AXDND1: variants seen among roughly 807,000 people sequenced by gnomAD.
AXDND1 encodes axonemal dynein light chain domain containing 1, also known as axonemal dynein light chain domain-containing protein 1.
AXDND1 carries 110 observed loss-of-function variants against 137.5 expected under a neutral mutation model. That is an observed-to-expected ratio of 0.80 (90% confidence interval 0.69 to 0.94). The LOEUF is 0.94. Among genes scored for constraint, AXDND1 ranks in the 40% least tolerant of loss-of-function variants. The probability of loss-of-function intolerance (pLI) is 0.00; values close to 1 mark genes in which losing one functional copy is unlikely to be tolerated. For synonymous variants in AXDND1, 414 were observed against 399.7 expected (o/e 1.04, Z -0.43); for missense variants, 1,191 against 1,169.8 (o/e 1.02, Z -0.26).
rs1172556587 is a variant in AXDND1 at position 179,400,821 on chromosome 1, C to T, written c.1109+5619C>T. The stretch of plus-strand genomic sequence containing the variant: ...TTGGGAGGGTGAGGCAGGAGAATGG[C>T]GTGAACCCAGGAGGCAGAGTTTGCA... On this transcript the variant is annotated intron_variant, in intron 11 of 25. Coordinates refer to ENST00000367618, the MANE Select transcript of AXDND1 (RefSeq NM_144696.6). Among the ~76,000 whole-genome samples, 6 of 134,914 alleles carry T rather than the reference C, an allele frequency of 4.4e-5. No homozygotes were observed. In the East Asian group the frequency reaches 1.3e-3, roughly 29 times the overall value. 88.5% of individuals were successfully genotyped at this position (134,914 alleles called of 152,430 possible).
intron 7 of AXDND1, 146 bp downstream of exon 7, chr1:179,382,902 G>T: frequency 9.4e-6 from 5 of 530,488 alleles, no homozygotes; most frequent in East Asian, 6.4e-5. Flanking sequence ...TCTAATCAGT[G>T]TTTTCGTTTT....
intron 25 of AXDND1, among the ~76,000 whole-genome samples, chr1:179,538,345 C>G (rs1671762673): frequency 6.6e-6 from 1 of 152,170 alleles, no homozygotes; most frequent in South Asian, 2.1e-4. Context: ...ATAAATTTCC[C>G]TCTACACACT....
chr1:179,491,014 T>C (rs189760676), intron 18 of AXDND1, among the ~76,000 whole-genome samples: 14 of 152,276 alleles, frequency 9.2e-5, no homozygotes, highest in African/African-American at 3.1e-4. Context: ...CAGGTTATTA[T>C]CTATGGCCAG....
At chr1:179,370,228 G>T in intron 4 of AXDND1, 150 bp downstream of exon 4, 1 of 653,726 alleles carries the variant, frequency 1.5e-6, no homozygotes, top group Non-Finnish European at 2.6e-6. Flanking sequence ...CAATCCAGAA[G>T]GGCCAAAGAC....
chr1:179,407,230 CT>C (rs1264397210), intron 11 of AXDND1, among the ~76,000 whole-genome samples: 116 of 143,996 alleles, frequency 8.1e-4, no homozygotes, highest in Middle Eastern at 7.1e-3. Context: ...TTTTTTCTTT[CT>C]TTTTTTTTTT....
intron 12 of AXDND1, among the ~76,000 whole-genome samples, chr1:179,423,456 G>A (rs1299539960): frequency 6.6e-6 from 1 of 151,990 alleles, no homozygotes; most frequent in Non-Finnish European, 1.5e-5. Flanking sequence ...TGATAAGTAA[G>A]GATTTACTCC....
chr1:179,501,724 C>CAA, intron 20 of AXDND1, among the ~76,000 whole-genome samples: 1 of 151,892 alleles, frequency 6.6e-6, no homozygotes, highest in South Asian at 2.1e-4. Flanking sequence ...CAAAACAAAA[C>CAA]AAAACAACAA....
At position 179,483,357 on chromosome 1, in the gene AXDND1, C is replaced by G. The variant is rs146247459; in HGVS notation, c.2091+136C>G. 5.4e-4 allele frequency: 278 copies of G among 511,500 alleles called. 2 individuals carry two copies. The East Asian group carries it at 9.2e-3, about 17-fold the overall frequency. 31.7% of individuals were successfully genotyped at this position (511,500 alleles called of 1,614,324 possible). A position where few individuals can be genotyped will look rare whatever the true frequency, so the allele number is the denominator to read the frequency against. On this transcript the variant is annotated intron_variant, in intron 18 of 25. Coordinates refer to ENST00000367618, the MANE Select transcript of AXDND1 (RefSeq NM_144696.6). The stretch of plus-strand genomic sequence containing the variant: ...AATAGAAGCTTGTATAATAATTTCT[C>G]AAATAATTTTCAATGGATTTTTTAA...
intron 25 of AXDND1, among the ~76,000 whole-genome samples, chr1:179,542,238 T>C (rs546703365): frequency 4.6e-5 from 7 of 152,316 alleles, no homozygotes; most frequent in Non-Finnish European, 1.0e-4. Context: ...TTATTTTTGC[T>C]TTCATCTCCA....
chr1:179,542,822 C>T (rs1672287358), intron 25 of AXDND1, among the ~76,000 whole-genome samples: 2 of 152,194 alleles, frequency 1.3e-5, no homozygotes, highest in Non-Finnish European at 2.9e-5. Flanking sequence ...GTAATTTACA[C>T]AGACACCCAG....
chr1:179,393,285 G>A (rs576716593), intron 9 of AXDND1, among the ~76,000 whole-genome samples: 1 of 152,260 alleles, frequency 6.6e-6, no homozygotes, highest in African/African-American at 2.4e-5. Flanking sequence ...GTAAGTATCT[G>A]AGTTTATTTC....
Position 179,456,518 on chromosome 1 carries a change from A to G in AXDND1, c.1798+11314A>G, listed in dbSNP as rs1254720093. The G allele has an allele frequency of 6.5e-6, 5 of 774,844 alleles. No individual in the cohort carries two copies. The African/African-American group carries it at 6.8e-5, about 11-fold the overall frequency. 48.0% of individuals were successfully genotyped at this position (774,844 alleles called of 1,614,324 possible). On this transcript the variant is annotated intron_variant, in intron 16 of 25. Coordinates refer to ENST00000367618, the MANE Select transcript of AXDND1 (RefSeq NM_144696.6). ...CACCATAGCCACTGCCCTGGCTTCC[A>G]TAACCCTGTCCAACACTTCCATAGC...
At chr1:179,396,270 TC>T (rs1434088765) in intron 11 of AXDND1, among the ~76,000 whole-genome samples, 1 of 152,078 alleles carries the variant, frequency 6.6e-6, no homozygotes, top group Non-Finnish European at 1.5e-5. Flanking sequence ...GCTTCTTCCC[TC>T]CCCAGAGTTA....
intron 16 of AXDND1, chr1:179,447,673 T>C (rs977805180): frequency 2.4e-5 from 32 of 1,351,200 alleles, no homozygotes; most frequent in Non-Finnish European, 3.1e-5. Context: ...CATTCCAAGA[T>C]TACTGCCACC....
At chr1:179,393,870 G>A in intron 9 of AXDND1, 33 bp from the exon 10 acceptor site, 1 of 1,559,414 alleles carries the variant, frequency 6.4e-7, no homozygotes, top group East Asian at 2.3e-5. Context: ...TCATTTATCA[G>A]ATCTAGGAGC....
intron 12 of AXDND1, among the ~76,000 whole-genome samples, chr1:179,418,661 T>TCCCTCCCGGACGGGGCGGCTGGCCGGGC (rs1558149074): frequency 4.1e-5 from 6 of 146,586 alleles, no homozygotes; most frequent in African/African-American, 1.5e-4. Flanking sequence ...GCTGGCCGGG[T>TCCCTCCCGGACGGGGCGGCTGGCCGGGC]GGGGGGCCGA....
rs754969502 is a variant in AXDND1, at chr1:179,369,988, G to A, written c.284G>A (p.Arg95His). The part of the protein sequence containing the change: ...KIKTPKGTLP[R>H]LVDHVWHHPV... ...GCTTTTTCCCAGGGCACTCTTCCACGCCTTGTAGACCATGTCTGGCATCAC... is the reference window on the plus strand; with the variant it reads ...GCTTTTTCCCAGGGCACTCTTCCACACCTTGTAGACCATGTCTGGCATCAC... Residue 95 changes from arginine to histidine, a missense_variant, in exon 4 of 26, where the codon CGC (arginine) becomes CAC (histidine). Physicochemically the swap from Arg to His is conservative, Grantham distance 29. Coordinates refer to ENST00000367618, the MANE Select transcript of AXDND1 (RefSeq NM_144696.6). The A allele has an allele frequency of 2.9e-5, 46 of 1,613,476 alleles. No individual in the cohort carries two copies. Among genetic ancestry groups the A allele is most frequent in the Non-Finnish European group, 3.6e-5 (42 of 1,179,790 alleles).
intron 21 of AXDND1, among the ~76,000 whole-genome samples, chr1:179,516,944 G>C (rs1007552305): frequency 6.6e-6 from 1 of 152,216 alleles, no homozygotes; most frequent in African/African-American, 2.4e-5. Flanking sequence ...CTGCCGGGAG[G>C]TGGCACTTTC....
intron 17 of AXDND1, among the ~76,000 whole-genome samples, chr1:179,481,572 A>C (rs1435105581): frequency 6.6e-6 from 1 of 152,196 alleles, no homozygotes; most frequent in Non-Finnish European, 1.5e-5. Context: ...TCTTTTCCAC[A>C]ATGGTTGAAC....
Sources: allele counts gnomAD v4.1 joint callset (sites outside exome capture counted in the v4.1 genomes callset), GRCh38; gene constraint gnomAD v4.1.1; transcripts MANE v1.5; gene names NCBI Gene and HGNC (gene_info 2026-07-23, HGNC 2026-07-21).